Variants in HHAT observed in about 807,000 individuals in gnomAD.
HHAT encodes the protein protein-cysteine N-palmitoyltransferase HHAT.
In HHAT, 47 loss-of-function variants were observed where a neutral mutation model predicts 70.8. The ratio of observed to expected loss-of-function variants is 0.66; its 90% confidence interval spans 0.53 to 0.85. HHAT has a LOEUF of 0.85. Among genes scored for constraint, HHAT ranks in the 40% least tolerant of loss-of-function variants. The pLI is 0.00. For missense variants in HHAT, 609 were observed against 604.8 expected (o/e 1.01, Z -0.07); for synonymous variants, 228 against 247.6 (o/e 0.92, Z 0.74).
At chr1:210,655,498 C>T (rs1191030396) in intron 11 of HHAT, among the ~76,000 whole-genome samples, 2 of 152,196 alleles carry the variant, frequency 1.3e-5, no homozygotes, top group Non-Finnish European at 2.9e-5. Context: ...AGCAGGGCTG[C>T]TGTGAGAGGA....
chr1:210,660,966 A>G (rs746264927), intron 11 of HHAT, among the ~76,000 whole-genome samples: 10 of 152,338 alleles, frequency 6.6e-5, no homozygotes, highest in Non-Finnish European at 1.3e-4. Flanking sequence ...AAAAAACCCT[A>G]GAAGAAAACC....
intron 10 of HHAT, among the ~76,000 whole-genome samples, chr1:210,620,428 T>A (rs1399419536): frequency 6.6e-6 from 1 of 152,180 alleles, no homozygotes; most frequent in Non-Finnish European, 1.5e-5. Flanking sequence ...TCCCCTTTGC[T>A]GTTAGTTATT....
chr1:210,567,595 A>G (rs1655084019), intron 9 of HHAT, among the ~76,000 whole-genome samples: 1 of 152,240 alleles, frequency 6.6e-6, no homozygotes, highest in Non-Finnish European at 1.5e-5. Context: ...TACTGTCAGT[A>G]TAGTGATCAT....
chr1:210,600,053 G>C (rs1349810313), intron 10 of HHAT, among the ~76,000 whole-genome samples: 2 of 152,018 alleles, frequency 1.3e-5, no homozygotes, highest in African/African-American at 4.8e-5. Flanking sequence ...CAGCTCAAAT[G>C]ATATCTAGTT....
chr1:210,656,664 A>C (rs571459214), intron 11 of HHAT, among the ~76,000 whole-genome samples: 7 of 152,166 alleles, frequency 4.6e-5, no homozygotes, highest in Non-Finnish European at 1.0e-4. Context: ...GGTTTGATGG[A>C]GGAAGGGTAG....
chr1:210,357,415 A>G (rs947963202), intron 2 of HHAT, among the ~76,000 whole-genome samples: 1 of 152,240 alleles, frequency 6.6e-6, no homozygotes, highest in Non-Finnish European at 1.5e-5. Context: ...AGGATCACAC[A>G]GAAGAAATAG....
chr1:210,604,056 C>T (rs1302460464), intron 10 of HHAT, among the ~76,000 whole-genome samples: 1 of 152,082 alleles, frequency 6.6e-6, no homozygotes, highest in East Asian at 1.9e-4. Context: ...CTGACTGCAG[C>T]TATTAACAGT....
intron 9 of HHAT, among the ~76,000 whole-genome samples, chr1:210,524,339 T>A (rs2095213115): frequency 6.6e-6 from 1 of 152,036 alleles, no homozygotes. Flanking sequence ...CAGGTGTGAG[T>A]GCCGTGTTTG....
At chr1:210,527,353 C>T (rs1282850897) in intron 9 of HHAT, among the ~76,000 whole-genome samples, 1 of 152,156 alleles carries the variant, frequency 6.6e-6, no homozygotes, top group Non-Finnish European at 1.5e-5. Context: ...TACTCTTGAC[C>T]ATGTGACCAG....
At chr1:210,391,024 G>C (rs2091425679) in intron 4 of HHAT, among the ~76,000 whole-genome samples, 1 of 152,184 alleles carries the variant, frequency 6.6e-6, no homozygotes, top group African/African-American at 2.4e-5. Flanking sequence ...CCAGTAGTGG[G>C]ATTGCTGGAT....
At chr1:210,414,846 C>T (rs962078024) in intron 6 of HHAT, among the ~76,000 whole-genome samples, 1 of 151,976 alleles carries the variant, frequency 6.6e-6, no homozygotes, top group African/African-American at 2.4e-5. Flanking sequence ...GGAGAAACCC[C>T]GTCTCTACTA....
intron 9 of HHAT, among the ~76,000 whole-genome samples, chr1:210,534,872 T>C (rs1339903566): frequency 6.6e-6 from 1 of 152,238 alleles, no homozygotes; most frequent in East Asian, 1.9e-4. Flanking sequence ...ACATTAGTGC[T>C]AAGATACCTA....
At chr1:210,617,680 A>T (rs372518069) in intron 10 of HHAT, among the ~76,000 whole-genome samples, 23 of 152,344 alleles carry the variant, frequency 1.5e-4, no homozygotes, top group African/African-American at 5.3e-4. Flanking sequence ...TGGCCTCTGC[A>T]GTTTTTAAAC....
chr1:210,445,639 C>G (rs1490102017), intron 7 of HHAT, among the ~76,000 whole-genome samples: 1 of 152,300 alleles, frequency 6.6e-6, no homozygotes, highest in East Asian at 1.9e-4. Flanking sequence ...GCTTTTGCAA[C>G]TCATTGCCAA....
chr1:210,460,947 A>G (rs2093967467), intron 7 of HHAT, among the ~76,000 whole-genome samples: 1 of 152,218 alleles, frequency 6.6e-6, no homozygotes, highest in Non-Finnish European at 1.5e-5. Flanking sequence ...AAGAGTGTGT[A>G]ATACATGAAC....
chr1:210,458,319 G>A (rs1329893250), intron 7 of HHAT, among the ~76,000 whole-genome samples: 1 of 152,294 alleles, frequency 6.6e-6, no homozygotes, highest in Non-Finnish European at 1.5e-5. Flanking sequence ...CCATTCATTT[G>A]TTCAGCAAAT....
At chr1:210,668,092 T>C (rs1679299936) in intron 11 of HHAT, among the ~76,000 whole-genome samples, 1 of 152,208 alleles carries the variant, frequency 6.6e-6, no homozygotes, top group Admixed American at 6.5e-5. Flanking sequence ...CGGCTTATTT[T>C]ACTTAATATG....
chr1:210,448,169 C>T (rs1002182109), intron 7 of HHAT, among the ~76,000 whole-genome samples: 1 of 151,606 alleles, frequency 6.6e-6, no homozygotes, highest in African/African-American at 2.4e-5. Flanking sequence ...GCAACCTCTG[C>T]CTTCCTGGTT....
At chr1:210,567,792 G>A (rs1001488700) in intron 9 of HHAT, among the ~76,000 whole-genome samples, 1 of 152,254 alleles carries the variant, frequency 6.6e-6, no homozygotes, top group South Asian at 2.1e-4. Flanking sequence ...TATACCCAGG[G>A]ACCTGCTTGC....
Sources: gnomAD v4.1 joint callset for allele counts (sites outside exome capture counted in the v4.1 genomes callset) on GRCh38, gnomAD v4.1.1 for gene constraint, MANE v1.5 for transcripts, NCBI Gene and HGNC (gene_info 2026-07-23, HGNC 2026-07-21) for gene names.